The following KIF13A variants were observed in gnomAD, a reference collection of about 807,000 sequenced individuals.
The protein encoded by KIF13A is kinesin family member 13A.
Under a neutral mutation model 212.2 loss-of-function variants are expected in KIF13A, and 79 were observed. The observed-to-expected ratio is 0.37, with a 90% CI of 0.31 to 0.45. The LOEUF is 0.45. KIF13A is among the 20% of genes least tolerant of loss of function. The probability of loss-of-function intolerance (pLI) is 1.00; values close to 1 mark genes in which losing one functional copy is unlikely to be tolerated. For missense variants in KIF13A, 1,901 were observed against 2,209.0 expected (o/e 0.86, Z 2.79); for synonymous variants, 789 against 808.6 (o/e 0.98, Z 0.41).
At chr6:17,960,282 G>T (rs76373054) in intron 2 of KIF13A, among the ~76,000 whole-genome samples, 2,937 of 152,280 alleles carry the variant, frequency 0.019, 42 homozygotes, top group Non-Finnish European at 0.031. Context: ...CAAAAAGAGA[G>T]CGAGTATAAA....
At chr6:17,814,660 G>A (rs1763768648) in intron 17 of KIF13A, among the ~76,000 whole-genome samples, 3 of 152,122 alleles carry the variant, frequency 2.0e-5, no homozygotes, top group Admixed American at 2.0e-4. Context: ...GTTGATTAAG[G>A]CAGGATATTT....
At chr6:17,840,771 A>G (rs1766430097) in intron 9 of KIF13A, among the ~76,000 whole-genome samples, 1 of 152,252 alleles carries the variant, frequency 6.6e-6, no homozygotes, top group South Asian at 2.1e-4. Context: ...TGTCCATCAT[A>G]TGTCTTGTCT....
At chr6:17,875,627 G>A (rs1339288050) in intron 3 of KIF13A, among the ~76,000 whole-genome samples, 1 of 151,804 alleles carries the variant, frequency 6.6e-6, no homozygotes, top group Admixed American at 6.6e-5. Context: ...GCTAATTTTT[G>A]TATTTTTAGT....
intron 2 of KIF13A, among the ~76,000 whole-genome samples, chr6:17,954,893 G>T (rs956167520): frequency 6.6e-6 from 1 of 152,068 alleles, no homozygotes; most frequent in African/African-American, 2.4e-5. Context: ...TGTCCAAGCT[G>T]GTCTCAAACT....
intron 3 of KIF13A, among the ~76,000 whole-genome samples, chr6:17,882,624 T>A (rs892464717): frequency 6.6e-6 from 1 of 151,934 alleles, no homozygotes; most frequent in African/African-American, 2.4e-5. Context: ...CGTAGTGGCA[T>A]GATCTCAGCT....
At chr6:17,956,594 G>T (rs994543764) in intron 2 of KIF13A, among the ~76,000 whole-genome samples, 1 of 152,212 alleles carries the variant, frequency 6.6e-6, no homozygotes, top group African/African-American at 2.4e-5. Flanking sequence ...TTTTGTCCAT[G>T]GTTCCTGGCT....
intron 2 of KIF13A, among the ~76,000 whole-genome samples, chr6:17,921,876 C>T (rs911238762): frequency 6.6e-6 from 1 of 152,140 alleles, no homozygotes; most frequent in Non-Finnish European, 1.5e-5. Flanking sequence ...TTCACTTTTC[C>T]TGCAAGTCCT....
intron 2 of KIF13A, among the ~76,000 whole-genome samples, chr6:17,932,572 C>A (rs1399825466): frequency 6.6e-6 from 1 of 152,180 alleles, no homozygotes; most frequent in African/African-American, 2.4e-5. Flanking sequence ...CTTTTGTTTT[C>A]CAACATTCTG....
chr6:17,950,452 T>C, intron 2 of KIF13A: 1 of 982,350 alleles, frequency 1.0e-6, no homozygotes, highest in Non-Finnish European at 1.2e-6. Flanking sequence ...TAAAACTCTG[T>C]AATTATGAAT....
At chr6:17,977,114 C>CAAAA (rs398000718) in intron 2 of KIF13A, among the ~76,000 whole-genome samples, 63 of 106,436 alleles carry the variant, frequency 5.9e-4, no homozygotes, top group Non-Finnish European at 6.5e-4. Flanking sequence ...AAAACAACAA[C>CAAAA]AAAAAAAAAA....
At position 17,777,291 on chromosome 6, in the gene KIF13A, G is replaced by C; in HGVS notation, c.4156C>G (p.Pro1386Ala). 1 of 1,612,448 alleles carries C rather than the reference G, an allele frequency of 6.2e-7. No homozygotes were observed. Among genetic ancestry groups the C allele is most frequent in the Non-Finnish European group, 8.5e-7 (1 of 1,179,084 alleles). ...ARHIRRSLST[P>A]NVHNVSSSRP... ...GATGCACTTACATTATGAACATTTG[G>C]TGTACTGAGGCTCCTCCGAATGTGC... Residue 1386 changes from proline to alanine, a missense_variant, in exon 34 of 39, where the codon CCA becomes GCA. Pro to Ala is a conservative substitution (Grantham distance 27, BLOSUM62 -1). Coordinates refer to ENST00000259711, the MANE Select transcript of KIF13A (RefSeq NM_022113.6). The surrounding 1 kb of genome is among the most constrained non-coding windows in gnomAD (Gnocchi z 4.4).
intron 2 of KIF13A, among the ~76,000 whole-genome samples, chr6:17,955,057 T>C (rs757506915): frequency 1.3e-5 from 2 of 152,182 alleles, no homozygotes; most frequent in Admixed American, 6.5e-5. Context: ...CTTGAATTCA[T>C]GGGCTCAAGC....
At chr6:17,763,455 G>T (rs1758680777), downstream of KIF13A, among the ~76,000 whole-genome samples, 1 of 133,860 alleles carries the variant, frequency 7.5e-6, no homozygotes. Flanking sequence ...GGGTGACAGA[G>T]TGAGAGCCAC....
intron 16 of KIF13A, among the ~76,000 whole-genome samples, chr6:17,817,675 G>A (rs1562012235): frequency 1.3e-5 from 2 of 152,010 alleles, no homozygotes; most frequent in African/African-American, 2.4e-5. Context: ...TTTGGTATAC[G>A]ACAAAGATTT....
At chr6:17,887,530 T>C (rs1771654532) in intron 3 of KIF13A, among the ~76,000 whole-genome samples, 1 of 152,226 alleles carries the variant, frequency 6.6e-6, no homozygotes, top group Admixed American at 6.5e-5. Context: ...TAAATGATCT[T>C]CATAGCCTAC....
intron 2 of KIF13A, among the ~76,000 whole-genome samples, chr6:17,985,359 C>T (rs1781452988): frequency 6.6e-6 from 1 of 152,166 alleles, no homozygotes; most frequent in Admixed American, 6.6e-5. Context: ...GATTACTTAG[C>T]ATTTGGAACC....
At chr6:17,935,096 C>T (rs958405719) in intron 2 of KIF13A, among the ~76,000 whole-genome samples, 7 of 152,140 alleles carry the variant, frequency 4.6e-5, no homozygotes, top group Non-Finnish European at 1.0e-4. Flanking sequence ...GTTATTTTCA[C>T]CATTTACCTG....
intron 2 of KIF13A, among the ~76,000 whole-genome samples, chr6:17,903,832 G>A (rs570797793): frequency 1.8e-4 from 27 of 152,138 alleles, no homozygotes; most frequent in Admixed American, 2.6e-4. Flanking sequence ...TGGGGGGAGC[G>A]GGGGAACACT....
chr6:17,877,250 CAACTTACATCATCA>C, intron 3 of KIF13A, among the ~76,000 whole-genome samples: 1 of 151,510 alleles, frequency 6.6e-6, no homozygotes, highest in East Asian at 1.9e-4. Flanking sequence ...ATGATGTACT[CAACTTACATCATCA>C]ACCCGAGATC....
Sources: gnomAD v4.1 joint callset for allele counts (sites outside exome capture counted in the v4.1 genomes callset) on GRCh38, gnomAD v4.1.1 for gene constraint, Gnocchi (gnomAD v3.1) non-coding constraint, MANE v1.5 for transcripts, NCBI Gene and HGNC (gene_info 2026-07-23, HGNC 2026-07-21) for gene names.